The following CNTNAP2 variants were observed in gnomAD, a reference collection of about 807,000 sequenced individuals.
The protein encoded by CNTNAP2 is contactin-associated protein-like 2.
A neutral mutation model predicts 155.2 loss-of-function variants in CNTNAP2; 98 were observed. The ratio of observed to expected loss-of-function variants is 0.63; its 90% CI spans 0.54 to 0.75. The LOEUF is 0.75. Ranked by LOEUF, CNTNAP2 falls within the 30% of genes least tolerant of loss-of-function variation. The pLI is 0.00. For missense variants in CNTNAP2, 1,727 were observed against 1,688.1 expected, an observed-to-expected ratio of 1.02 and a Z score of -0.40; for synonymous variants, 651 against 631.2, an observed-to-expected ratio of 1.03 and a Z score of -0.47.
At chr7:147,387,577 A>C (rs547081248) in intron 9 of CNTNAP2, among the ~76,000 whole-genome samples, 11 of 152,236 alleles carry the variant, frequency 7.2e-5, no homozygotes, top group African/African-American at 2.6e-4. Flanking sequence ...GAAATTAATA[A>C]ACATATATAT....
intron 9 of CNTNAP2, among the ~76,000 whole-genome samples, chr7:147,392,362 A>T (rs999811443): frequency 2.0e-5 from 3 of 148,584 alleles, no homozygotes; most frequent in East Asian, 4.0e-4. Context: ...TTTTATTTTT[A>T]ATTTTTATTT....
At chr7:146,811,046 T>A (rs989266535) in intron 2 of CNTNAP2, among the ~76,000 whole-genome samples, 11 of 152,184 alleles carry the variant, frequency 7.2e-5, no homozygotes, top group South Asian at 6.2e-4. Flanking sequence ...CAGTGTTTTG[T>A]TGAGGAGTTT....
intron 10 of CNTNAP2, among the ~76,000 whole-genome samples, chr7:147,421,199 T>C (rs1054472897): frequency 6.6e-6 from 1 of 152,182 alleles, no homozygotes; most frequent in Non-Finnish European, 1.5e-5. Flanking sequence ...GTGTTTAGCA[T>C]CATGTAAAAT....
intron 1 of CNTNAP2, among the ~76,000 whole-genome samples, chr7:146,722,805 AG>A (rs1801361702): frequency 1.3e-5 from 2 of 152,108 alleles, no homozygotes; most frequent in Admixed American, 6.6e-5. Flanking sequence ...TTACGAGGTC[AG>A]GAGTTCGAGA....
chr7:147,464,477 A>AG (rs1798079884), intron 10 of CNTNAP2, among the ~76,000 whole-genome samples: 2 of 151,314 alleles, frequency 1.3e-5, no homozygotes, highest in African/African-American at 4.8e-5. Context: ...AAAAAAAAAA[A>AG]AAAAAAAAAA....
intron 10 of CNTNAP2, among the ~76,000 whole-genome samples, chr7:147,477,800 T>C (rs950140011): frequency 1.3e-5 from 2 of 152,202 alleles, no homozygotes; most frequent in African/African-American, 4.8e-5. Context: ...TTTCCTGCTA[T>C]TTAACTTCTT....
rs138661307 is a variant in CNTNAP2, at chr7:148,415,482, C to A, written c.3862C>A (p.Arg1288Ser). The change falls in exon 24 of 24, where the codon CGC (arginine) becomes AGC (serine). Residue 1288 changes from arginine to serine, a missense_variant. Physicochemically the swap from Arg to Ser is moderately radical, Grantham distance 110. Transcript: ENST00000361727. Reference sequence around the variant, plus strand: ...GGTCTTCCTGATCCGGTACATGTTCCGCCACAAGGGCACCTACCATACCAA... The same window carrying A: ...GGTCTTCCTGATCCGGTACATGTTCAGCCACAAGGGCACCTACCATACCAA... ...TLVFLIRYMF[R>S]HKGTYHTNEA... 5.2e-5 allele frequency: 84 copies of A among 1,614,202 alleles called. No homozygotes were observed. In the South Asian group the frequency reaches 8.3e-4, roughly 16 times the overall value.
At chr7:146,192,484 G>A (rs923177327) in intron 1 of CNTNAP2, among the ~76,000 whole-genome samples, 12 of 152,186 alleles carry the variant, frequency 7.9e-5, no homozygotes, top group African/African-American at 2.9e-4. Flanking sequence ...GGAAGGCAAA[G>A]GAGAAGCAAA....
chr7:146,443,698 C>A (rs1796360553), intron 1 of CNTNAP2, among the ~76,000 whole-genome samples: 1 of 152,178 alleles, frequency 6.6e-6, no homozygotes, highest in Non-Finnish European at 1.5e-5. Context: ...CAGGTTTTGT[C>A]TGCCTGTCAA....
At chr7:148,203,547 C>A (rs1365506007) in intron 18 of CNTNAP2, among the ~76,000 whole-genome samples, 2 of 152,062 alleles carry the variant, frequency 1.3e-5, no homozygotes, top group Admixed American at 6.6e-5. Flanking sequence ...GAGTTCCAGA[C>A]CAGCCTGGCC....
chr7:146,415,936 A>C (rs1795932042), intron 1 of CNTNAP2, among the ~76,000 whole-genome samples: 1 of 152,092 alleles, frequency 6.6e-6, no homozygotes, highest in African/African-American at 2.4e-5. Flanking sequence ...TCATAATTCC[A>C]AGGCTCTCTT....
intron 15 of CNTNAP2, among the ~76,000 whole-genome samples, chr7:148,105,136 G>A (rs117344527): frequency 0.015 from 2,284 of 152,300 alleles, 36 homozygotes; most frequent in Non-Finnish European, 0.026. Flanking sequence ...TAACAAGTTA[G>A]ATGCAATGAT....
At chr7:147,471,840 T>C (rs1173244982) in intron 10 of CNTNAP2, among the ~76,000 whole-genome samples, 2 of 152,170 alleles carry the variant, frequency 1.3e-5, no homozygotes, top group Non-Finnish European at 2.9e-5. Flanking sequence ...AAAAGTTTGA[T>C]AAATTAAAGA....
At chr7:146,550,604 C>T (rs180794813) in intron 1 of CNTNAP2, among the ~76,000 whole-genome samples, 207 of 151,736 alleles carry the variant, frequency 1.4e-3, no homozygotes, top group African/African-American at 4.5e-3. Flanking sequence ...AATTATTTCC[C>T]CCTGTGTATT....
At chr7:146,891,549 A>G (rs1472031532) in intron 3 of CNTNAP2, among the ~76,000 whole-genome samples, 1 of 152,220 alleles carries the variant, frequency 6.6e-6, no homozygotes, top group African/African-American at 2.4e-5. Context: ...GCATACATGA[A>G]ATATCAGCTC....
intron 14 of CNTNAP2, among the ~76,000 whole-genome samples, chr7:147,959,918 A>G (rs1801086462): frequency 1.3e-5 from 2 of 152,168 alleles, no homozygotes; most frequent in African/African-American, 2.4e-5. Context: ...CCCCCTTACC[A>G]ATAACTTGAA....
At chr7:147,725,475 C>T (rs1370242927) in intron 13 of CNTNAP2, among the ~76,000 whole-genome samples, 1 of 152,060 alleles carries the variant, frequency 6.6e-6, no homozygotes, top group Admixed American at 6.6e-5. Flanking sequence ...TATATTAAAG[C>T]CCTGCCTTGG....
chr7:146,207,275 G>A (rs1035577092), intron 1 of CNTNAP2, among the ~76,000 whole-genome samples: 10 of 151,908 alleles, frequency 6.6e-5, no homozygotes, highest in African/African-American at 2.2e-4. Flanking sequence ...ATGCGGTACC[G>A]TGAAAAATAA....
chr7:146,625,437 G>T (rs1006079671), intron 1 of CNTNAP2, among the ~76,000 whole-genome samples: 1 of 151,826 alleles, frequency 6.6e-6, no homozygotes, highest in Admixed American at 6.6e-5. Flanking sequence ...AATTATACTT[G>T]AAAAATAATA....
Sources: gnomAD v4.1 joint callset for allele counts (sites outside exome capture counted in the v4.1 genomes callset) on GRCh38, gnomAD v4.1.1 for gene constraint, MANE v1.5 for transcripts, NCBI Gene and HGNC (gene_info 2026-07-23, HGNC 2026-07-21) for gene names.